Variants in MAD1L1 observed in about 807,000 individuals in gnomAD.
MAD1L1 encodes mitotic spindle assembly checkpoint protein MAD1.
Under a neutral mutation model 96.9 loss-of-function variants are expected in MAD1L1, and 95 were observed. That is an observed-to-expected ratio of 0.98 (90% CI 0.83 to 1.16). The LOEUF (loss-of-function observed/expected upper bound fraction) is 1.16, where lower values mean the gene tolerates loss of function less well. Ranked by LOEUF, MAD1L1 falls within the 50% of genes most tolerant of loss-of-function variation. The pLI is 0.00. For synonymous variants in MAD1L1, 473 were observed against 396.6 expected (o/e 1.19, Z -2.29); for missense variants, 1,007 against 954.4 (o/e 1.06, Z -0.73).
chr7:2,129,507 G>A (rs969679067), intron 11 of MAD1L1, among the ~76,000 whole-genome samples: 18 of 152,172 alleles, frequency 1.2e-4, no homozygotes, highest in Admixed American at 5.2e-4. Context: ...ACGAGGACGC[G>A]AGGAACACGC....
At chr7:2,157,142 T>C (rs1789887210) in intron 10 of MAD1L1, among the ~76,000 whole-genome samples, 1 of 152,244 alleles carries the variant, frequency 6.6e-6, no homozygotes, top group African/African-American at 2.4e-5. Context: ...GACAAGGTTA[T>C]GGACTTTTGA....
chr7:1,833,119 G>GT (rs1391980780), intron 18 of MAD1L1, among the ~76,000 whole-genome samples: 1 of 152,310 alleles, frequency 6.6e-6, no homozygotes, highest in South Asian at 2.1e-4. Flanking sequence ...CATGTACATT[G>GT]TTTTTTAAAG....
chr7:2,042,942 G>A (rs929979080), intron 12 of MAD1L1, among the ~76,000 whole-genome samples: 4 of 152,048 alleles, frequency 2.6e-5, no homozygotes, highest in African/African-American at 9.7e-5. Context: ...CAGTGCTGCT[G>A]AGGGCCAGAG....
intron 13 of MAD1L1, among the ~76,000 whole-genome samples, chr7:2,004,559 C>T (rs568114945): frequency 1.2e-4 from 19 of 152,366 alleles, no homozygotes; most frequent in Non-Finnish European, 1.3e-4. Flanking sequence ...ACCAACCACG[C>T]TCTCCTGTGC....
At chr7:2,069,139 T>G (rs1261669150) in intron 12 of MAD1L1, 55 bp downstream of exon 12, 3 of 1,511,574 alleles carry the variant, frequency 2.0e-6, no homozygotes, top group Admixed American at 2.0e-5. Context: ...TAACCAGGTG[T>G]GCACTGACCC....
intron 12 of MAD1L1, among the ~76,000 whole-genome samples, chr7:2,040,355 G>C (rs1049514697): frequency 1.3e-5 from 2 of 152,104 alleles, no homozygotes; most frequent in South Asian, 2.1e-4. Flanking sequence ...ATCTTGTGTT[G>C]TGGCCCCACC....
rs759024713 is a variant in MAD1L1 at position 2,225,394 on chromosome 7, C to A, written c.291+16G>T. ...CTGGGGCTGTCTGGGCCGACCCTCG[C>A]CCCGCCTGAACCCACCTCGTAGTTC... On this transcript the variant is annotated intron_variant, in intron 4 of 18. Transcript: ENST00000265854. 13 of 1,612,162 alleles carry A rather than the reference C, an allele frequency of 8.1e-6. No homozygotes were observed. The highest frequency in any genetic ancestry group is 1.1e-5 in the Non-Finnish European group (13 of 1,179,894).
chr7:2,139,249 A>G (rs1788906709), intron 11 of MAD1L1, among the ~76,000 whole-genome samples: 1 of 152,102 alleles, frequency 6.6e-6, no homozygotes, highest in African/African-American at 2.4e-5. Context: ...CCCCTGAGCC[A>G]GCAATGTACT....
At position 1,905,413 on chromosome 7, in the gene MAD1L1, T is replaced by C. The variant is rs28689585; in HGVS notation, c.1808-7023A>G. Among the ~76,000 whole-genome samples the C allele has an allele frequency of 5.1e-4, 35 of 68,622 alleles. 1 individual carries two copies. Among genetic ancestry groups the C allele is most frequent in the Non-Finnish European group, 9.1e-4 (22 of 24,268 alleles). 45.0% of individuals were successfully genotyped at this position (68,622 alleles called of 152,430 possible). A position where few individuals can be genotyped will look rare whatever the true frequency, so the allele number is the denominator to read the frequency against. ...CAGTGGCCTACGGAAGACGCTCTTG[T>C]GGAACTCATGATTGATGAAGCACTG... On this transcript the variant is annotated intron_variant, in intron 17 of 18. Transcript: ENST00000265854.
intron 18 of MAD1L1, among the ~76,000 whole-genome samples, chr7:1,870,697 AC>A (rs1467530902): frequency 7.1e-6 from 1 of 140,584 alleles, no homozygotes; most frequent in Non-Finnish European, 1.5e-5. Context: ...ACTGAACCCA[AC>A]ATACACCTGC....
intron 18 of MAD1L1, among the ~76,000 whole-genome samples, chr7:1,888,218 G>A (rs931863305): frequency 2.6e-5 from 4 of 151,674 alleles, no homozygotes; most frequent in Admixed American, 2.0e-4. Context: ...GTGCATGTGT[G>A]TGCATGCATG....
At chr7:2,230,299 G>A (rs2115030028) in intron 2 of MAD1L1, 156 bp from the exon 3 acceptor site, 2 of 550,692 alleles carry the variant, frequency 3.6e-6, no homozygotes, top group Non-Finnish European at 6.4e-6. Flanking sequence ...TGGCAACTGG[G>A]AGCCATGCTG....
intron 12 of MAD1L1, among the ~76,000 whole-genome samples, chr7:2,052,412 C>T (rs1361915519): frequency 2.7e-5 from 4 of 150,318 alleles, no homozygotes; most frequent in South Asian, 4.2e-4. Flanking sequence ...AGGAGGGCGC[C>T]GGACAGCTCA....
At chr7:1,938,928 CAT>C (rs1279419102) in intron 16 of MAD1L1, among the ~76,000 whole-genome samples, 34 of 130,626 alleles carry the variant, frequency 2.6e-4, no homozygotes, top group South Asian at 5.4e-4. Flanking sequence ...CACACACACA[CAT>C]ACAGGCCAGG....
At chr7:1,859,176 G>A (rs373190790) in intron 18 of MAD1L1, among the ~76,000 whole-genome samples, 9 of 152,172 alleles carry the variant, frequency 5.9e-5, no homozygotes, top group African/African-American at 2.2e-4. Flanking sequence ...AGATGGCGCC[G>A]GGCTTCCCCA....
intron 10 of MAD1L1, among the ~76,000 whole-genome samples, chr7:2,179,067 C>T (rs951658578): frequency 6.6e-6 from 1 of 152,146 alleles, no homozygotes; most frequent in Non-Finnish European, 1.5e-5. Context: ...AGAAGAGTGA[C>T]TAAAACGGTC....
rs1055357279 is a variant in MAD1L1 at position 2,146,791 on chromosome 7, T to G, written c.1073+2361A>C. On this transcript the variant is annotated intron_variant, in intron 11 of 18. Transcript: ENST00000265854. The surrounding 1 kb of genome is among the most constrained non-coding windows in gnomAD (Gnocchi z 6.2). ...ATCTGAATTTCTGTCCAACTGCCTG[T>G]AAGAGACTTGTAGAAATGTGCTCAG... Among the ~76,000 whole-genome samples the G allele has an allele frequency of 6.6e-6, 1 of 152,234 alleles. No homozygotes were observed. Among genetic ancestry groups the G allele is most frequent in the Non-Finnish European group, 1.5e-5 (1 of 68,040 alleles).
At chr7:1,990,126 A>G (rs546848885) in intron 14 of MAD1L1, among the ~76,000 whole-genome samples, 1 of 152,356 alleles carries the variant, frequency 6.6e-6, no homozygotes, top group African/African-American at 2.4e-5. Context: ...CCGCCGCCTC[A>G]TCGCCAACTC....
chr7:1,981,858 CAT>C (rs1337764191), intron 14 of MAD1L1, among the ~76,000 whole-genome samples: 2 of 152,162 alleles, frequency 1.3e-5, no homozygotes, highest in African/African-American at 2.4e-5. Context: ...ATCTAATCAC[CAT>C]ATGTTACATG....
Sources: allele counts gnomAD v4.1 joint callset (sites outside exome capture counted in the v4.1 genomes callset), GRCh38; gene constraint gnomAD v4.1.1; non-coding constraint Gnocchi (gnomAD v3.1); transcripts MANE v1.5; gene names NCBI Gene and HGNC (gene_info 2026-07-23, HGNC 2026-07-21).